Variants in PRKCZ observed in about 807,000 individuals in gnomAD.
PRKCZ encodes the protein protein kinase C zeta, also known as protein kinase C zeta type.
In PRKCZ, 33 loss-of-function variants were observed where a neutral mutation model predicts 79.5. The observed-to-expected ratio is 0.41, with a 90% CI of 0.31 to 0.55. The LOEUF is 0.55. Among genes scored for constraint, PRKCZ ranks in the 20% least tolerant of loss-of-function variants. The pLI, the probability that PRKCZ is intolerant of heterozygous loss-of-function variation, is 0.19. For synonymous variants in PRKCZ, 342 were observed against 320.9 expected, an observed-to-expected ratio of 1.07 and a Z score of -0.70; for missense variants, 578 against 813.5, an observed-to-expected ratio of 0.71 and a Z score of 3.52.
intron 10 of PRKCZ, 23 bp downstream of exon 10, chr1:2,156,115 T>C (rs1330119339): frequency 6.3e-7 from 1 of 1,586,172 alleles, no homozygotes; most frequent in Admixed American, 1.7e-5. Context: ...AGGGTATTTC[T>C]GATATTCTGC....
chr1:2,095,745 C>T (rs994053405), intron 4 of PRKCZ, among the ~76,000 whole-genome samples: 7 of 146,242 alleles, frequency 4.8e-5, no homozygotes, highest in African/African-American at 1.8e-4. Flanking sequence ...TTCCGCTCCC[C>T]TCCTCTCCCC....
intron 4 of PRKCZ, among the ~76,000 whole-genome samples, chr1:2,080,694 A>G (rs1663332613): frequency 2.0e-5 from 3 of 152,174 alleles, no homozygotes; most frequent in African/African-American, 7.2e-5. Context: ...CTTTCCAGCT[A>G]AGGCTTTATT....
At chr1:2,065,415 A>C (rs915460275) in intron 4 of PRKCZ, among the ~76,000 whole-genome samples, 1 of 152,078 alleles carries the variant, frequency 6.6e-6, no homozygotes, top group Admixed American at 6.6e-5. Context: ...GCGGTGGCTC[A>C]CGCCTGTAAT....
Position 2,056,494 on chromosome 1 carries a change from C to G in PRKCZ, c.204C>G (p.Cys68Trp). 6.2e-7 allele frequency: 1 copy of G among 1,613,856 alleles called. No individual in the cohort carries two copies. The highest frequency in any genetic ancestry group is 8.5e-7 in the Non-Finnish European group (1 of 1,179,922). Residue 68 changes from cysteine (C) to tryptophan (W), a missense_variant, in exon 3 of 18, where the codon TGC becomes TGG. This residue lies in a region of PRKCZ where 228 missense variants were observed against 211.6 expected (regional missense o/e 1.08). Coordinates refer to ENST00000378567, the MANE Select transcript of PRKCZ (RefSeq NM_002744.6). Reference protein sequence around the residue: ...LKWVDSEGDPCTVSSQMELEE... With the variant: ...LKWVDSEGDPWTVSSQMELEE... The stretch of plus-strand genomic sequence containing the variant: ...TCCTGCCCCACCCAGGTGACCCTTG[C>G]ACGGTGTCCTCCCAGATGGAGCTGG...
chr1:2,107,972 A>AGACAGTGTCAAGGGAGCCCCCC (rs1668917412), intron 4 of PRKCZ, among the ~76,000 whole-genome samples: 1 of 147,830 alleles, frequency 6.8e-6, no homozygotes, highest in African/African-American at 2.6e-5. Context: ...GGGAGCCCCC[A>AGACAGTGTCAAGGGAGCCCCCC]GACAGTGTCA....
Position 2,174,058 on chromosome 1 carries a change from C to T in PRKCZ, c.1405+42C>T, listed in dbSNP as rs754686102. 3.2e-6 allele frequency: 5 copies of T among 1,538,936 alleles called. No homozygotes were observed. Among genetic ancestry groups the T allele is most frequent in the Non-Finnish European group, 3.5e-6 (4 of 1,136,480 alleles). Reference sequence around the variant, plus strand: ...GCGTTCGTACCCCTCACCTGCACGACTGTCTTCCTTCCTTTTCAAAGGTGC... The same window carrying T: ...GCGTTCGTACCCCTCACCTGCACGATTGTCTTCCTTCCTTTTCAAAGGTGC... On this transcript the variant is annotated intron_variant, in intron 14 of 17. Transcript: ENST00000378567. The surrounding 1 kb of genome is among the most constrained non-coding windows in gnomAD (Gnocchi z 6.2).
In PRKCZ at chr1:2,130,833, G is replaced by A. The variant is rs550499375; in HGVS notation, c.335-4429G>A. ...GCCGTCTGGGCACCATGGCCCAGCC[G>A]CGTGGACACATACAGTGAACCATTG... On this transcript the variant is annotated intron_variant, in intron 4 of 17. Transcript: ENST00000378567. 2.6e-3 allele frequency among the ~76,000 whole-genome samples: 398 copies of A among 152,174 alleles called. 2 individuals carry two copies. The highest frequency in any genetic ancestry group is 4.1e-3 in the Non-Finnish European group (276 of 67,988).
At chr1:2,048,805 G>T (rs1444784239), upstream of PRKCZ, among the ~76,000 whole-genome samples, 2 of 152,198 alleles carry the variant, frequency 1.3e-5, no homozygotes, top group African/African-American at 4.8e-5. Context: ...GATTTAGGGA[G>T]CTGGAACCCG....
At chr1:2,183,217 C>T (rs994831455) in intron 16 of PRKCZ, among the ~76,000 whole-genome samples, 2 of 106,528 alleles carry the variant, frequency 1.9e-5, no homozygotes, top group South Asian at 2.8e-4. Context: ...GGAGACAGAG[C>T]GAGTCTCAAA....
chr1:2,181,833 T>C, intron 16 of PRKCZ: 1 of 450,102 alleles, frequency 2.2e-6, no homozygotes, highest in South Asian at 1.6e-5. Flanking sequence ...TATCGGCAGG[T>C]GTTTCATACA....
chr1:2,117,827 A>G (rs1671036024), intron 4 of PRKCZ, among the ~76,000 whole-genome samples: 1 of 151,900 alleles, frequency 6.6e-6, no homozygotes, highest in Admixed American at 6.6e-5. Context: ...TATTCTGTTC[A>G]TACGATGAAT....
At chr1:2,067,866 A>G (rs1445217889) in intron 4 of PRKCZ, among the ~76,000 whole-genome samples, 1 of 152,176 alleles carries the variant, frequency 6.6e-6, no homozygotes, top group East Asian at 1.9e-4. Flanking sequence ...GGCTTCCCCT[A>G]GTGATACAAA....
Position 2,178,225 on chromosome 1 carries a change from GGCTGCTCCGCCAGGCT to G in PRKCZ, c.1575+2914_1575+2929del, listed in dbSNP as rs908729925. Among the ~76,000 whole-genome samples, 1 of 152,214 alleles carries G rather than the reference GGCTGCTCCGCCAGGCT, an allele frequency of 6.6e-6. No individual in the cohort carries two copies. The highest frequency in any genetic ancestry group is 2.4e-5 in the African/African-American group (1 of 41,454). On this transcript the variant is annotated intron_variant, in intron 16 of 17. Coordinates refer to ENST00000378567, the MANE Select transcript of PRKCZ (RefSeq NM_002744.6). This position sits in a 1 kb window ranked among gnomAD's most constrained non-coding sequence, Gnocchi z 4.3. ...CCAGCCTCTCCCCACACCCTGCAGTGGCTGCTCCGCCAGGCTGTGTGGCTCTGCCTGGTCTGCACAT... is the reference window on the plus strand; with the variant it reads ...CCAGCCTCTCCCCACACCCTGCAGTGGTGTGGCTCTGCCTGGTCTGCACAT...
intron 4 of PRKCZ, chr1:2,074,382 A>G: frequency 1.4e-6 from 2 of 1,460,362 alleles, no homozygotes; most frequent in Non-Finnish European, 1.9e-6. Context: ...GGCCCCAGGG[A>G]GTTGCTGGCT....
In PRKCZ at chr1:2,174,092, G is replaced by A. The variant is rs1684985598; in HGVS notation, c.1405+76G>A. On this transcript the variant is annotated intron_variant, in intron 14 of 17. Coordinates refer to ENST00000378567, the MANE Select transcript of PRKCZ (RefSeq NM_002744.6). The surrounding 1 kb of genome is among the most constrained non-coding windows in gnomAD (Gnocchi z 6.2). The stretch of plus-strand genomic sequence containing the variant: ...TTCCTTTTCAAAGGTGCAGGTGGAG[G>A]GGTCCCGCGGGTGCCTGGAGCGGCA... The A allele has an allele frequency of 7.4e-6, 11 of 1,476,528 alleles. No individual in the cohort carries two copies. The South Asian group carries it at 1.3e-4, about 18-fold the overall frequency. 91.5% of individuals were successfully genotyped at this position (1,476,528 alleles called of 1,614,324 possible). A position where few individuals can be genotyped will look rare whatever the true frequency, so the allele number is the denominator to read the frequency against.
intron 4 of PRKCZ, among the ~76,000 whole-genome samples, chr1:2,070,928 C>T (rs1348754270): frequency 2.0e-5 from 3 of 152,118 alleles, no homozygotes; most frequent in Admixed American, 6.5e-5. Context: ...GTCTGCCTCC[C>T]GCCCTCATAG....
intron 10 of PRKCZ, among the ~76,000 whole-genome samples, chr1:2,164,880 C>G (rs920218490): frequency 2.0e-5 from 3 of 152,128 alleles, no homozygotes; most frequent in Non-Finnish European, 2.9e-5. Flanking sequence ...CACCCAGTCC[C>G]ACGGCTGCAC....
At chr1:2,129,488 C>T (rs898483811) in intron 4 of PRKCZ, among the ~76,000 whole-genome samples, 31 of 152,074 alleles carry the variant, frequency 2.0e-4, no homozygotes, top group African/African-American at 7.5e-4. Context: ...GATGGTGACA[C>T]GTGGGCTCCA....
At chr1:2,055,413 ACAGATG>A in intron 1 of PRKCZ, 22 bp from the exon 2 acceptor site, 1 of 1,572,226 alleles carries the variant, frequency 6.4e-7, no homozygotes, top group East Asian at 2.3e-5. Flanking sequence ...CCCCACGGTA[ACAGATG>A]CCCATGTCCC....
Sources: allele counts gnomAD v4.1 joint callset (sites outside exome capture counted in the v4.1 genomes callset), GRCh38; gene constraint gnomAD v4.1.1; regional missense constraint gnomAD v4.1.1; non-coding constraint Gnocchi (gnomAD v3.1); transcripts MANE v1.5; gene names NCBI Gene and HGNC (gene_info 2026-07-23, HGNC 2026-07-21).